The following SPEN variants were observed in gnomAD, a reference collection of about 807,000 sequenced individuals.
SPEN encodes the protein spen family transcriptional repressor, also known as msx2-interacting protein.
SPEN carries 18 observed loss-of-function variants against 269.9 expected under a neutral mutation model. The ratio of observed to expected loss-of-function variants is 0.07; its 90% confidence interval spans 0.05 to 0.10. SPEN has a LOEUF of 0.10. SPEN is among the 10% of genes least tolerant of loss of function. The probability of loss-of-function intolerance (pLI) is 1.00; values close to 1 mark genes in which losing one functional copy is unlikely to be tolerated. For synonymous variants in SPEN, 1,726 were observed against 1,765.7 expected (o/e 0.98, Z 0.56); for missense variants, 3,822 against 4,631.2 (o/e 0.83, Z 5.07).
intron 8 of SPEN, 137 bp downstream of exon 8, chr1:15,919,654 G>A: frequency 1.9e-6 from 1 of 513,222 alleles, no homozygotes. Context: ...CTAAGATTTG[G>A]TCAATAAGGG....
Position 15,900,057 on chromosome 1 carries a change from G to A in SPEN, c.882-9264G>A, listed in dbSNP as rs528290387. On this transcript the variant is annotated intron_variant, in intron 3 of 14. Transcript: ENST00000375759. ...GACTGGGTTTCAGCATATTGGTCAG[G>A]GTGGTCTTGAACTCCTGACCTCAGG... Among the ~76,000 whole-genome samples, 3 of 152,134 alleles carry A rather than the reference G, an allele frequency of 2.0e-5. No individual in the cohort carries two copies. The East Asian group carries it at 5.8e-4, about 29-fold the overall frequency.
rs529636457 is a variant in SPEN, at chr1:15,898,499, A to G, written c.882-10822A>G. Among the ~76,000 whole-genome samples, 3 of 151,436 alleles carry G rather than the reference A, an allele frequency of 2.0e-5. No individual in the cohort carries two copies. In the East Asian group the frequency reaches 5.8e-4, roughly 29 times the overall value. The stretch of plus-strand genomic sequence containing the variant: ...ATGGCTGGTTTATTTCATTTAGCAT[A>G]ATATCTTCAAGGTTCATTCATGATG... On this transcript the variant is annotated intron_variant, in intron 3 of 14. Coordinates refer to ENST00000375759, the MANE Select transcript of SPEN (RefSeq NM_015001.3).
rs762271842 is a variant in SPEN at position 15,930,486 on chromosome 1, C to T, written c.4246C>T (p.Arg1416Cys). The change falls in exon 11 of 15, where the codon CGT becomes TGT. Residue 1416 changes from arginine (R) to cysteine (C), a missense_variant. Arg to Cys is a radical substitution (Grantham distance 180, BLOSUM62 -3). Transcript: ENST00000375759. The surrounding 1 kb of genome is among the most constrained non-coding windows in gnomAD (Gnocchi z 5.3). ...FLLRDREDKL[R>C]ERDERLSSSL... ...ATTGAGGGACAGAGAAGACAAGCTA[C>T]GTGAGCGAGATGAAAGACTCTCTAG... 9.3e-6 allele frequency: 15 copies of T among 1,614,128 alleles called. No individual in the cohort carries two copies. Among genetic ancestry groups the T allele is most frequent in the African/African-American group, 1.3e-5 (1 of 75,018 alleles).
At chr1:15,904,430 CAATA>C (rs2070933645) in intron 3 of SPEN, among the ~76,000 whole-genome samples, 1 of 76,188 alleles carries the variant, frequency 1.3e-5, no homozygotes, top group Admixed American at 2.3e-4. Flanking sequence ...CCAGCCTGGG[CAATA>C]AGAGCGAAAC....
intron 4 of SPEN, among the ~76,000 whole-genome samples, chr1:15,909,852 G>A (rs1399959262): frequency 2.0e-5 from 3 of 152,016 alleles, no homozygotes; most frequent in Admixed American, 6.6e-5. Context: ...GGGGCCAGGC[G>A]CGGTGGCTCA....
Position 15,913,660 on chromosome 1 carries a change from A to G in SPEN, c.1243+2359A>G, listed in dbSNP as rs1020440990. Among the ~76,000 whole-genome samples, 4 of 151,680 alleles carry G rather than the reference A, an allele frequency of 2.6e-5. No individual in the cohort carries two copies. In the East Asian group the frequency reaches 7.9e-4, roughly 30 times the overall value. On this transcript the variant is annotated intron_variant, in intron 5 of 14. Transcript: ENST00000375759. ...TGTAAACAGTTTGGGAGGCTGAGGC[A>G]GGAGGATCGCTTGAGCCCAGGAGTT...
chr1:15,922,697 A>T (rs2071131143), intron 10 of SPEN, among the ~76,000 whole-genome samples: 1 of 152,072 alleles, frequency 6.6e-6, no homozygotes, highest in African/African-American at 2.4e-5. Context: ...ATCATGGCTC[A>T]CTGCAGTCTC....
intron 1 of SPEN, among the ~76,000 whole-genome samples, chr1:15,851,696 T>C (rs1245350225): frequency 6.6e-6 from 1 of 151,918 alleles, no homozygotes; most frequent in Non-Finnish European, 1.5e-5. Flanking sequence ...AAAAATATTG[T>C]TAAAGAGGCT....
chr1:15,929,941 A>G lies in SPEN; in HGVS notation c.3701A>G (p.Asp1234Gly). ...PSKKKRMDHVDFDICTKRERN... is the reference protein window; with the variant it reads ...PSKKKRMDHVGFDICTKRERN... ...AAAAAGAAAAGGATGGATCATGTCG[A>G]TTTTGATATCTGCACCAAGCGAGAA... Residue 1234 changes from aspartate to glycine, a missense_variant, in exon 11 of 15, where the codon GAT (aspartate) becomes GGT (glycine). Physicochemically the swap from Asp to Gly is moderately conservative, Grantham distance 94 (BLOSUM62 -1). This residue lies in a region of SPEN where 267 missense variants were observed against 315.5 expected (regional missense o/e 0.85). Coordinates refer to ENST00000375759, the MANE Select transcript of SPEN (RefSeq NM_015001.3). This position sits in a 1 kb window ranked among gnomAD's most constrained non-coding sequence, Gnocchi z 5.8. 6.2e-7 allele frequency: 1 copy of G among 1,614,178 alleles called. No individual in the cohort carries two copies. The highest frequency in any genetic ancestry group is 8.5e-7 in the Non-Finnish European group (1 of 1,180,048).
At chr1:15,893,836 G>C (rs897164697) in intron 3 of SPEN, among the ~76,000 whole-genome samples, 5 of 152,130 alleles carry the variant, frequency 3.3e-5, no homozygotes, top group Non-Finnish European at 7.4e-5. Flanking sequence ...CCAGGAGTTT[G>C]AGATCAGCCT....
chr1:15,877,275 A>G (rs543995876), intron 3 of SPEN, among the ~76,000 whole-genome samples: 2 of 152,200 alleles, frequency 1.3e-5, no homozygotes, highest in South Asian at 2.1e-4. Flanking sequence ...CTACAAATAT[A>G]TATATATATT....
In SPEN at chr1:15,849,339, G is replaced by T. The variant is rs1339665712; in HGVS notation, c.83+1189G>T. Among the ~76,000 whole-genome samples the T allele has an allele frequency of 2.6e-5, 4 of 152,222 alleles. No homozygotes were observed. The East Asian group carries it at 7.7e-4, about 29-fold the overall frequency. ...CACCATGGGAAAAATAGATTGCGTC[G>T]CTCGCTTTGAGCCGCTTGGATAAGG... On this transcript the variant is annotated intron_variant, in intron 1 of 14. Coordinates refer to ENST00000375759, the MANE Select transcript of SPEN (RefSeq NM_015001.3).
intron 1 of SPEN, among the ~76,000 whole-genome samples, chr1:15,854,307 CTAAA>C (rs1422733561): frequency 7.0e-4 from 107 of 152,154 alleles, no homozygotes; most frequent in African/African-American, 2.4e-3. Context: ...AACAAGGAGA[CTAAA>C]TAAAGTACAT....
Position 15,932,404 on chromosome 1 carries a change from C to T in SPEN, c.6164C>T (p.Pro2055Leu). ...GATGCTGGCACAGACAAAAACCCCC[C>T]TGAAACCGCCCCTGTTGAAGTTGTA... is the stretch of plus-strand genomic sequence containing the variant. ...RKDAGTDKNP[P>L]ETAPVEVVEK... The change falls in exon 11 of 15, where the codon CCT (proline) becomes CTT (leucine). Residue 2055 changes from proline to leucine, a missense_variant. Physicochemically the swap from Pro to Leu is moderately conservative, Grantham distance 98 (BLOSUM62 -3). Coordinates refer to ENST00000375759, the MANE Select transcript of SPEN (RefSeq NM_015001.3). The surrounding 1 kb of genome is among the most constrained non-coding windows in gnomAD (Gnocchi z 4.2). The T allele has an allele frequency of 6.2e-7, 1 of 1,614,128 alleles. No individual in the cohort carries two copies. Among genetic ancestry groups the T allele is most frequent in the Non-Finnish European group, 8.5e-7 (1 of 1,180,026 alleles).
intron 1 of SPEN, among the ~76,000 whole-genome samples, chr1:15,853,369 T>C (rs752205621): frequency 4.0e-5 from 6 of 151,596 alleles, no homozygotes; most frequent in Non-Finnish European, 5.9e-5. Context: ...GTATTTTTAG[T>C]AGAGACAGGG....
intron 3 of SPEN, among the ~76,000 whole-genome samples, chr1:15,880,743 C>T (rs1189586912): frequency 2.6e-5 from 4 of 152,100 alleles, no homozygotes. Flanking sequence ...AGGCATGAGC[C>T]ACTGTGCCCG....
chr1:15,923,792 C>A (rs1011440214), intron 10 of SPEN, among the ~76,000 whole-genome samples: 7 of 151,942 alleles, frequency 4.6e-5, no homozygotes, highest in African/African-American at 1.7e-4. Context: ...GCCTCAGCCT[C>A]CCGAGTAGCT....
Position 15,937,677 on chromosome 1 carries a change from C to T in SPEN, c.10509+32C>T. The T allele has an allele frequency of 1.2e-6, 2 of 1,607,200 alleles. No homozygotes were observed. Among genetic ancestry groups the T allele is most frequent in the Non-Finnish European group, 1.7e-6 (2 of 1,175,054 alleles). On this transcript the variant is annotated intron_variant, in intron 12 of 14. Coordinates refer to ENST00000375759, the MANE Select transcript of SPEN (RefSeq NM_015001.3). This position sits in a 1 kb window ranked among gnomAD's most constrained non-coding sequence, Gnocchi z 5.7. ...ATGAGCAGGGGCTGCCCTTCCTGGC[C>T]CCCAAGTTTTATGCCATGTCAAATG...
chr1:15,850,370 A>G (rs555801750), intron 1 of SPEN, among the ~76,000 whole-genome samples: 9 of 150,516 alleles, frequency 6.0e-5, no homozygotes, highest in Non-Finnish European at 1.2e-4. Context: ...TAAGCAGATC[A>G]TGTGTCCCTG....
Sources: gnomAD v4.1 joint callset for allele counts (sites outside exome capture counted in the v4.1 genomes callset) on GRCh38, gnomAD v4.1.1 for gene constraint, gnomAD v4.1.1 regional missense constraint, Gnocchi (gnomAD v3.1) non-coding constraint, MANE v1.5 for transcripts, NCBI Gene and HGNC (gene_info 2026-07-23, HGNC 2026-07-21) for gene names.